SCHIP1: variants seen among roughly 807,000 people sequenced by gnomAD.
The protein encoded by SCHIP1 is schwannomin interacting protein 1.
Under a neutral mutation model 29.7 loss-of-function variants are expected in SCHIP1, and 8 were observed. The observed-to-expected ratio is 0.27, with a 90% CI of 0.16 to 0.49. SCHIP1 has a LOEUF of 0.49. SCHIP1 is among the 20% of genes least tolerant of loss of function. The pLI is 0.99. For missense variants in SCHIP1, 193 were observed against 294.6 expected (o/e 0.66, Z 2.52); for synonymous variants, 76 against 94.9 (o/e 0.80, Z 1.16).
the SCHIP1 span, among the ~76,000 whole-genome samples, chr3:159,446,132 A>C: frequency 1.3e-5 from 2 of 152,072 alleles, no homozygotes; most frequent in Non-Finnish European, 2.9e-5. Context: ...GGTGGTTTGC[A>C]ATGGTGTACC....
chr3:159,752,631 G>A, the SCHIP1 span, among the ~76,000 whole-genome samples: 1 of 152,036 alleles, frequency 6.6e-6, no homozygotes, highest in African/African-American at 2.4e-5. Context: ...AGAGGGAGTG[G>A]GGTGGGGAAG....
the SCHIP1 span, among the ~76,000 whole-genome samples, chr3:159,341,345 C>T: frequency 6.6e-6 from 1 of 152,122 alleles, no homozygotes; most frequent in South Asian, 2.1e-4. Flanking sequence ...ACACTCCTCA[C>T]CTTTTGAAGG....
the SCHIP1 span, among the ~76,000 whole-genome samples, chr3:159,654,802 T>TAAAAAA: frequency 5.8e-5 from 6 of 103,788 alleles, no homozygotes; most frequent in African/African-American, 1.8e-4. Context: ...TGACTTTAAG[T>TAAAAAA]AAAAAAAAAA....
chr3:159,583,106 C>T, the SCHIP1 span, among the ~76,000 whole-genome samples: 1 of 152,094 alleles, frequency 6.6e-6, no homozygotes, highest in Non-Finnish European at 1.5e-5. Flanking sequence ...ATACTAATAT[C>T]AAACACTTGT....
the SCHIP1 span, among the ~76,000 whole-genome samples, chr3:159,630,125 C>T: frequency 1.3e-5 from 2 of 152,132 alleles, no homozygotes; most frequent in East Asian, 3.8e-4. Flanking sequence ...GTTTCAATTT[C>T]CCCTTTACTA....
chr3:159,274,624 G>T, the SCHIP1 span: 3,325 of 826,716 alleles, frequency 4.0e-3, 86 homozygotes, highest in African/African-American at 0.059. Flanking sequence ...GTAGTTCTAT[G>T]ATATTATTAT....
the SCHIP1 span, among the ~76,000 whole-genome samples, chr3:159,587,593 A>G: frequency 6.6e-6 from 1 of 152,140 alleles, no homozygotes; most frequent in Admixed American, 6.5e-5. Context: ...TACATTAGGT[A>G]TATCTCCTAA....
chr3:159,887,552 G>A, intron 3 of SCHIP1, 156 bp from the exon 5 acceptor site: 1 of 765,596 alleles, frequency 1.3e-6, no homozygotes, highest in Non-Finnish European at 2.2e-6. Flanking sequence ...CCCTTTTTCT[G>A]TTACTTGAGA....
the SCHIP1 span, among the ~76,000 whole-genome samples, chr3:159,317,988 G>A: frequency 6.6e-6 from 1 of 152,122 alleles, no homozygotes; most frequent in African/African-American, 2.4e-5. Context: ...TTCAGTGTTG[G>A]TCTCTGCTGC....
At chr3:159,778,104 C>T in the SCHIP1 span, among the ~76,000 whole-genome samples, 207 of 152,272 alleles carry the variant, frequency 1.4e-3, 1 homozygote, top group Non-Finnish European at 2.3e-3. Context: ...AACTCAGCCT[C>T]CTGAGTAGCT....
the SCHIP1 span, among the ~76,000 whole-genome samples, chr3:159,599,973 A>G: frequency 2.0e-5 from 3 of 152,108 alleles, no homozygotes. Context: ...ATGAAGGATA[A>G]TTTTGCTGGA....
the SCHIP1 span, chr3:159,375,749 T>C: frequency 1.1e-6 from 1 of 873,154 alleles, no homozygotes; most frequent in South Asian, 5.2e-5. Context: ...AATAAATAAA[T>C]AAATAAATAA....
the SCHIP1 span, among the ~76,000 whole-genome samples, chr3:159,370,931 A>G: frequency 6.6e-6 from 1 of 152,184 alleles, no homozygotes; most frequent in South Asian, 2.1e-4. Flanking sequence ...TCCAGCTTGC[A>G]GATGGCATAT....
At chr3:159,803,775 A>G in the SCHIP1 span, among the ~76,000 whole-genome samples, 14 of 152,330 alleles carry the variant, frequency 9.2e-5, no homozygotes, top group Non-Finnish European at 2.1e-4. Context: ...CTTCTGTCAC[A>G]GCGTTCCTTC....
At chr3:159,888,141 T>G (rs1684663392) in intron 4 of SCHIP1, 1 of 568,202 alleles carries the variant, frequency 1.8e-6, no homozygotes, top group South Asian at 2.2e-5. Flanking sequence ...TGTCTACTGT[T>G]TCTTAGCAAC....
chr3:159,811,782 A>G, the SCHIP1 span, among the ~76,000 whole-genome samples: 14 of 152,168 alleles, frequency 9.2e-5, no homozygotes, highest in Admixed American at 2.0e-4. Context: ...TTGCATTTCC[A>G]TATACATTTT....
At chr3:159,295,639 G>A in the SCHIP1 span, among the ~76,000 whole-genome samples, 2 of 151,932 alleles carry the variant, frequency 1.3e-5, no homozygotes, top group Non-Finnish European at 2.9e-5. Flanking sequence ...CTGCTTCCAG[G>A]TCCCATCTCT....
At chr3:159,532,987 C>T in the SCHIP1 span, among the ~76,000 whole-genome samples, 9 of 152,284 alleles carry the variant, frequency 5.9e-5, no homozygotes, top group African/African-American at 1.9e-4. Context: ...CAAAGTGTTA[C>T]ACCATATAAA....
chr3:159,588,556 T>C, the SCHIP1 span, among the ~76,000 whole-genome samples: 262 of 152,330 alleles, frequency 1.7e-3, 1 homozygote, highest in African/African-American at 6.1e-3. Flanking sequence ...ATGTCCTGAA[T>C]GGTATTGACT....
Sources: gnomAD v4.1 joint callset for allele counts (sites outside exome capture counted in the v4.1 genomes callset) on GRCh38, gnomAD v4.1.1 for gene constraint, MANE v1.5 for transcripts, NCBI Gene and HGNC (gene_info 2026-07-23, HGNC 2026-07-21) for gene names.